KCNIP1: variants seen among roughly 807,000 people sequenced by gnomAD.
KCNIP1 encodes the protein A-type potassium channel modulatory protein KCNIP1.
KCNIP1 carries 18 observed loss-of-function variants against 33.0 expected under a neutral mutation model. That is an observed-to-expected ratio of 0.55 (90% CI 0.38 to 0.81). The LOEUF (loss-of-function observed/expected upper bound fraction) is 0.81. Ranked by LOEUF, KCNIP1 falls within the 30% of genes least tolerant of loss-of-function variation. The pLI, the probability that KCNIP1 is intolerant of heterozygous loss-of-function variation, is 0.00. For missense variants in KCNIP1, 238 were observed against 271.6 expected (o/e 0.88, Z 0.87); for synonymous variants, 93 against 98.3 (o/e 0.95, Z 0.32).
intron 1 of KCNIP1, among the ~76,000 whole-genome samples, chr5:170,452,712 C>T (rs1333216894): frequency 2.0e-5 from 3 of 152,150 alleles, no homozygotes; most frequent in Non-Finnish European, 4.4e-5. Flanking sequence ...TTTATCCTGA[C>T]AAAGAAGCGA....
chr5:170,617,505 ACC>A (rs1759430383), intron 1 of KCNIP1, among the ~76,000 whole-genome samples: 1 of 152,130 alleles, frequency 6.6e-6, no homozygotes. Flanking sequence ...ATCTTAAGCC[ACC>A]AGCCTTACAA....
At chr5:170,500,475 G>C, upstream of KCNIP1, among the ~76,000 whole-genome samples, 1 of 151,726 alleles carries the variant, frequency 6.6e-6, no homozygotes, top group East Asian at 1.9e-4. Context: ...TCATGGGAGG[G>C]ACAACAGGAC....
At chr5:170,702,667 C>T (rs13189877) in intron 1 of KCNIP1, among the ~76,000 whole-genome samples, 1 of 151,996 alleles carries the variant, frequency 6.6e-6, no homozygotes, top group Non-Finnish European at 1.5e-5. Context: ...AGAGTGGGCC[C>T]AGCAGAGACC....
intron 1 of KCNIP1, chr5:170,378,728 C>G (rs757101702): frequency 6.2e-7 from 1 of 1,613,164 alleles, no homozygotes; most frequent in East Asian, 2.2e-5. Context: ...CCAGGATGGA[C>G]AGGTACTGGT....
chr5:170,735,634 T>C, intron 7 of KCNIP1, 125 bp from the exon 8 acceptor site: 1 of 781,774 alleles, frequency 1.3e-6, no homozygotes, highest in Non-Finnish European at 2.2e-6. Flanking sequence ...TACTTCTTGT[T>C]TTTCATACCC....
At chr5:170,611,756 AATC>A (rs1759164197) in intron 1 of KCNIP1, among the ~76,000 whole-genome samples, 1 of 152,108 alleles carries the variant, frequency 6.6e-6, no homozygotes, top group South Asian at 2.1e-4. Flanking sequence ...CTGGTTTCCT[AATC>A]ATCATATTGG....
chr5:170,368,725 T>G (rs1763767692), intron 1 of KCNIP1, among the ~76,000 whole-genome samples: 1 of 152,258 alleles, frequency 6.6e-6, no homozygotes, highest in African/African-American at 2.4e-5. Flanking sequence ...GGCATATCAC[T>G]GGCTGTTCAT....
intron 1 of KCNIP1, among the ~76,000 whole-genome samples, chr5:170,598,487 C>A (rs1169333153): frequency 6.7e-6 from 1 of 150,084 alleles, no homozygotes; most frequent in Non-Finnish European, 1.5e-5. Flanking sequence ...CCAACCCATT[C>A]TCTGTGTGCC....
At chr5:170,595,067 G>C (rs114549408) in intron 1 of KCNIP1, among the ~76,000 whole-genome samples, 1 of 152,154 alleles carries the variant, frequency 6.6e-6, no homozygotes, top group African/African-American at 2.4e-5. Context: ...AGGTATAAGA[G>C]TCAAGGCCCA....
rs373295207 is a variant in KCNIP1 at position 170,595,109 on chromosome 5, C to A, written c.61+90476C>A. 1.2e-4 allele frequency among the ~76,000 whole-genome samples: 18 copies of A among 152,312 alleles called. No individual in the cohort carries two copies. The East Asian group carries it at 2.9e-3, about 25-fold the overall frequency. ...GGCCACCAAAGTCCAAGCATCTCCC[C>A]AGTCCTAGCTTCCCCAGAGAGTCCT... On this transcript the variant is annotated intron_variant, in intron 1 of 7. Transcript: ENST00000328939.
chr5:170,412,512 G>C (rs1427822927), intron 1 of KCNIP1, among the ~76,000 whole-genome samples: 2 of 152,164 alleles, frequency 1.3e-5, no homozygotes, highest in Admixed American at 6.5e-5. Flanking sequence ...AGTGACTCCT[G>C]CTATTTAAAA....
chr5:170,653,124 T>C (rs1413543515), intron 1 of KCNIP1, among the ~76,000 whole-genome samples: 2 of 152,228 alleles, frequency 1.3e-5, no homozygotes, highest in Non-Finnish European at 2.9e-5. Context: ...CTGCTGGACA[T>C]GCAGACAGCG....
intron 1 of KCNIP1, among the ~76,000 whole-genome samples, chr5:170,702,032 AG>A (rs1388613410): frequency 1.4e-4 from 22 of 152,226 alleles, no homozygotes; most frequent in African/African-American, 4.8e-4. Context: ...ACCAAACACC[AG>A]CGGTTCCCCT....
At chr5:170,421,042 CTCGAAGG>C (rs929124002) in intron 1 of KCNIP1, among the ~76,000 whole-genome samples, 1 of 152,096 alleles carries the variant, frequency 6.6e-6, no homozygotes, top group Non-Finnish European at 1.5e-5. Flanking sequence ...GAAAAACCAC[CTCGAAGG>C]AAAGTATCAG....
At chr5:170,521,732 A>G (rs1461435733) in intron 1 of KCNIP1, among the ~76,000 whole-genome samples, 1 of 152,250 alleles carries the variant, frequency 6.6e-6, no homozygotes, top group East Asian at 1.9e-4. Flanking sequence ...CCTTTGGCTG[A>G]CAACCATAAT....
At chr5:170,513,845 A>C (rs1404137055) in intron 1 of KCNIP1, among the ~76,000 whole-genome samples, 2 of 152,326 alleles carry the variant, frequency 1.3e-5, no homozygotes, top group East Asian at 3.9e-4. Flanking sequence ...ATGAAAGTCA[A>C]ATGCCTTTTC....
At chr5:170,538,257 C>T (rs745945018) in intron 1 of KCNIP1, among the ~76,000 whole-genome samples, 1 of 152,208 alleles carries the variant, frequency 6.6e-6, no homozygotes, top group Non-Finnish European at 1.5e-5. Flanking sequence ...CTCCTCACAA[C>T]TGCTCTGAGG....
chr5:170,430,883 G>C (rs953407971), intron 1 of KCNIP1, among the ~76,000 whole-genome samples: 3 of 152,294 alleles, frequency 2.0e-5, no homozygotes, highest in Non-Finnish European at 4.4e-5. Flanking sequence ...TCTCATAGAT[G>C]AGCGGCCAGC....
intron 1 of KCNIP1, chr5:170,378,179 C>T (rs1220995797): frequency 6.6e-6 from 1 of 152,468 alleles, no homozygotes; most frequent in Non-Finnish European, 1.5e-5. Context: ...GTTTGGCATA[C>T]ATTTATTAAT....
Sources: allele counts gnomAD v4.1 joint callset (sites outside exome capture counted in the v4.1 genomes callset), GRCh38; gene constraint gnomAD v4.1.1; transcripts MANE v1.5; gene names NCBI Gene and HGNC (gene_info 2026-07-23, HGNC 2026-07-21).